The following BDNF variants were observed in gnomAD, a reference collection of about 807,000 sequenced individuals.
The protein encoded by BDNF is brain derived neurotrophic factor, also known as neurotrophic factor BDNF precursor form.
In BDNF, 1 loss-of-function variant was observed where a neutral mutation model predicts 19.5. That is an observed-to-expected ratio of 0.05 (90% confidence interval 0.02 to 0.24). BDNF has a LOEUF of 0.24. Among genes scored for constraint, BDNF ranks in the 10% least tolerant of loss-of-function variants. The pLI, the probability that BDNF is intolerant of heterozygous loss-of-function variation, is 1.00. For missense variants in BDNF, 195 were observed against 317.6 expected (o/e 0.61, Z 2.93); for synonymous variants, 100 against 121.6 (o/e 0.82, Z 1.17).
Position 27,656,784 on chromosome 11 carries a change from G to A in BDNF, c.*1037C>T. 5.1e-6 allele frequency: 5 copies of A among 985,050 alleles called. No individual in the cohort carries two copies. Among genetic ancestry groups the A allele is most frequent in the Non-Finnish European group, 6.0e-6 (5 of 829,834 alleles). 61.0% of individuals were successfully genotyped at this position (985,050 alleles called of 1,614,324 possible). On this transcript the variant is annotated 3_prime_UTR_variant, in exon 2 of 2. Coordinates refer to ENST00000356660, the MANE Select transcript of BDNF (RefSeq NM_001709.5). ...CCTCATAAAAAATAATCTTCATTTT[G>A]GGGTTATTTTTTGTTGTTTTCTGTT...
intron 1 of BDNF, among the ~76,000 whole-genome samples, chr11:27,668,612 A>G (rs1243048319): frequency 2.0e-5 from 3 of 152,226 alleles, no homozygotes; most frequent in Non-Finnish European, 2.9e-5. Flanking sequence ...ACAAACTACC[A>G]TCAGAGAACA....
chr11:27,719,689 G>C, intron 1 of BDNF: 1 of 979,612 alleles, frequency 1.0e-6, no homozygotes, highest in Non-Finnish European at 1.2e-6. Context: ...CGAGGGCGAC[G>C]GAGAGGAAGA....
At chr11:27,666,788 T>G (rs1019544825) in intron 1 of BDNF, among the ~76,000 whole-genome samples, 1 of 152,100 alleles carries the variant, frequency 6.6e-6, no homozygotes, top group Non-Finnish European at 1.5e-5. Flanking sequence ...CAAATCTACA[T>G]CTGATTGGTG....
At chr11:27,701,460 T>C (rs983624717), upstream of BDNF, 18 of 994,608 alleles carry the variant, frequency 1.8e-5, no homozygotes, top group Non-Finnish European at 2.0e-5. Flanking sequence ...CCTTCTGTTC[T>C]GCAGCAAAGA....
At chr11:27,700,759 G>T (rs908439147), upstream of BDNF, 3 of 1,190,636 alleles carry the variant, frequency 2.5e-6, no homozygotes, top group African/African-American at 1.6e-5. Flanking sequence ...GCGGCTTCGA[G>T]GGGTGTTCCA....
upstream of BDNF, among the ~76,000 whole-genome samples, chr11:27,703,293 TA>T (rs979748562): frequency 6.6e-6 from 1 of 152,080 alleles, no homozygotes. Context: ...GTTATACATT[TA>T]AAAAAAATAC....
exon 1 of BDNF, chr11:27,721,675 C>G: frequency 1.7e-6 from 1 of 575,178 alleles, no homozygotes. Flanking sequence ...CGCAAACGCC[C>G]TCACTCCGAG....
intron 1 of BDNF, among the ~76,000 whole-genome samples, chr11:27,664,446 G>A (rs1853984692): frequency 6.6e-6 from 1 of 152,022 alleles, no homozygotes; most frequent in Admixed American, 6.6e-5. Context: ...AGAGAAAGAA[G>A]TTACTTCCAG....
chr11:27,686,180 G>C (rs1442615146), intron 1 of BDNF, among the ~76,000 whole-genome samples: 1 of 151,906 alleles, frequency 6.6e-6, no homozygotes, highest in African/African-American at 2.4e-5. Flanking sequence ...GATCTTTGTT[G>C]GTTTAAAGTC....
intron 1 of BDNF, among the ~76,000 whole-genome samples, chr11:27,667,678 T>G (rs1854597710): frequency 6.6e-6 from 1 of 152,136 alleles, no homozygotes; most frequent in African/African-American, 2.4e-5. Flanking sequence ...AGAAGGCCAT[T>G]ACATAATGAT....
chr11:27,656,825 T>A lies in BDNF; in HGVS notation c.*996A>T. The A allele has an allele frequency of 1.0e-6, 1 of 985,426 alleles. No homozygotes were observed. Among genetic ancestry groups the A allele is most frequent in the Non-Finnish European group, 1.2e-6 (1 of 829,924 alleles). 61.0% of individuals were successfully genotyped at this position (985,426 alleles called of 1,614,324 possible). ...GTTTTCTGTTCTAAAAAAAAATCAC[T>A]GTTCTCCATGCTTATACGAGTGTCA... On this transcript the variant is annotated 3_prime_UTR_variant, in exon 2 of 2. Transcript: ENST00000356660.
Position 27,700,282 on chromosome 11 carries a change from GCAGCGGTGGGTGTCTCATTAAAGC to G in BDNF, c.-164_-141del. 3 of 985,130 alleles carry G rather than the reference GCAGCGGTGGGTGTCTCATTAAAGC, an allele frequency of 3.0e-6. No homozygotes were observed. Among genetic ancestry groups the G allele is most frequent in the Non-Finnish European group, 3.6e-6 (3 of 829,916 alleles). 61.0% of individuals were successfully genotyped at this position (985,130 alleles called of 1,614,324 possible). On this transcript the variant is annotated 5_prime_UTR_variant, in exon 1 of 2. An upstream start codon of the reference 5' UTR is lost. Transcript: ENST00000356660. ...GGTGCTGCTCCCCGCCGGCCCCACA[GCAGCGGTGGGTGTCTCATTAAAGC>G]CCCCCGAGCAGGAGGTGGAGGGGCG...
chr11:27,721,596 C>A, exon 1 of BDNF: 1 of 689,440 alleles, frequency 1.5e-6, no homozygotes, highest in Non-Finnish European at 2.6e-6. Flanking sequence ...CAAGCTTAAA[C>A]TCTCAACCAC....
At chr11:27,696,279 T>C (rs553612229) in intron 1 of BDNF, 1 of 152,290 alleles carries the variant, frequency 6.6e-6, no homozygotes, top group African/African-American at 2.4e-5. Context: ...GTTTCCTAGG[T>C]TTAAATACCA....
chr11:27,707,880 C>T lies in BDNF; in HGVS notation c.3+13532G>A, dbSNP rs1860172880. 2.6e-5 allele frequency among the ~76,000 whole-genome samples: 4 copies of T among 152,144 alleles called. 1 individual carries two copies. The highest frequency in any genetic ancestry group is 3.9e-4 in the East Asian group (2 of 5,180). ...TGTGTGTGGGAGGTGAGGTACTATA[C>T]GGCTAGATATCCAATTTTGGAAGTC... On this transcript the variant is annotated intron_variant, in intron 1 of 1. Transcript: ENST00000314915.
chr11:27,707,977 A>G (rs1223556246), intron 1 of BDNF, among the ~76,000 whole-genome samples: 1 of 152,210 alleles, frequency 6.6e-6, no homozygotes, highest in Non-Finnish European at 1.5e-5. Context: ...AGTTTTCCTC[A>G]AGATAGTTTC....
In BDNF at chr11:27,658,151, C is replaced by T. The variant is rs1484057256; in HGVS notation, c.414G>A (p.Leu138=). The T allele has an allele frequency of 6.2e-7, 1 of 1,614,198 alleles. No individual in the cohort carries two copies. Among genetic ancestry groups the T allele is most frequent in the Non-Finnish European group, 8.5e-7 (1 of 1,180,038 alleles). ...ACTCACTAATACTGTCACACACGCT[C>T]AGCTCCCCTCGGCGGGCAGGGTCAG... ...RHSDPARRGE[L]SVCDSISEWV... Residue 138 remains leucine, a synonymous_variant, in exon 2 of 2, where the codon CTG becomes CTA. Coordinates refer to ENST00000356660, the MANE Select transcript of BDNF (RefSeq NM_001709.5). This position sits in a 1 kb window ranked among gnomAD's most constrained non-coding sequence, Gnocchi z 5.7.
At chr11:27,705,211 C>T (rs146642811), upstream of BDNF, among the ~76,000 whole-genome samples, 655 of 152,176 alleles carry the variant, frequency 4.3e-3, 3 homozygotes, top group African/African-American at 0.015. Context: ...GTTCTATAAG[C>T]GTGGTCAAAA....
chr11:27,668,730 A>G (rs1854809188), intron 1 of BDNF, among the ~76,000 whole-genome samples: 1 of 152,218 alleles, frequency 6.6e-6, no homozygotes, highest in African/African-American at 2.4e-5. Flanking sequence ...GAATCTCTTA[A>G]TAGACCAATA....
Sources: gnomAD v4.1 joint callset for allele counts (sites outside exome capture counted in the v4.1 genomes callset) on GRCh38, gnomAD v4.1.1 for gene constraint, Gnocchi (gnomAD v3.1) non-coding constraint, MANE v1.5 for transcripts, NCBI Gene and HGNC (gene_info 2026-07-23, HGNC 2026-07-21) for gene names.